CHAT: variants seen among roughly 807,000 people sequenced by gnomAD.
The protein encoded by CHAT is acetyl CoA:choline O-acetyltransferase.
A neutral mutation model predicts 76.9 loss-of-function variants in CHAT; 61 were observed. The ratio of observed to expected loss-of-function variants is 0.79; its 90% CI spans 0.65 to 0.98. CHAT has a LOEUF of 0.98. CHAT is among the 50% of genes least tolerant of loss of function. The probability of loss-of-function intolerance (pLI) is 0.00; values close to 1 mark genes in which losing one functional copy is unlikely to be tolerated. For synonymous variants in CHAT, 407 were observed against 397.4 expected (o/e 1.02, Z -0.29); for missense variants, 946 against 986.9 (o/e 0.96, Z 0.56).
At chr10:49,650,416 C>G (rs1839838380) in intron 10 of CHAT, among the ~76,000 whole-genome samples, 1 of 152,130 alleles carries the variant, frequency 6.6e-6, no homozygotes, top group Non-Finnish European at 1.5e-5. Flanking sequence ...AATATAGAAG[C>G]TGAACTCTGT....
chr10:49,666,541 G>T lies in CHAT; in HGVS notation c.*1495G>T, dbSNP rs1393482935. ...CTGCTCTAGCCCAGCAATCCTGTAG[G>T]TCTCCCTTCTTTGTGCCACTGTGAA... On this transcript the variant is annotated 3_prime_UTR_variant, in exon 15 of 15. Coordinates refer to ENST00000337653, the MANE Select transcript of CHAT (RefSeq NM_020549.5). 6.6e-6 allele frequency among the ~76,000 whole-genome samples: 1 copy of T among 152,160 alleles called. No homozygotes were observed. The highest frequency in any genetic ancestry group is 2.4e-5 in the African/African-American group (1 of 41,434).
chr10:49,637,048 T>C (rs1269067925), intron 7 of CHAT, among the ~76,000 whole-genome samples: 1 of 152,088 alleles, frequency 6.6e-6, no homozygotes, highest in Non-Finnish European at 1.5e-5. Context: ...CTCTTTTTTT[T>C]TTTGTCAGTC....
intron 9 of CHAT, 123 bp from the exon 10 acceptor site, chr10:49,649,385 G>A (rs775179287): frequency 2.4e-5 from 34 of 1,413,854 alleles, no homozygotes; most frequent in Admixed American, 5.1e-5. Flanking sequence ...GGGGCAGCTC[G>A]TACCCCCTGA....
rs913166313 is a variant in CHAT, at chr10:49,665,132, T to G, written c.*86T>G. The stretch of plus-strand genomic sequence containing the variant: ...CCCCACTCCCGTCCCTTACCCCAGC[T>G]TTCCACAGCTCCCTGTCCTCAGGGT... On this transcript the variant is annotated 3_prime_UTR_variant, in exon 15 of 15. Coordinates refer to ENST00000337653, the MANE Select transcript of CHAT (RefSeq NM_020549.5). 1 of 1,431,442 alleles carries G rather than the reference T, an allele frequency of 7.0e-7. No individual in the cohort carries two copies. The highest frequency in any genetic ancestry group is 9.8e-7 in the Non-Finnish European group (1 of 1,020,882). The allele number at this position is 1,431,442 out of a possible 1,614,324, so 88.7% of individuals were successfully genotyped here. A position where few individuals can be genotyped will look rare whatever the true frequency, so the allele number is the denominator to read the frequency against.
chr10:49,625,719 T>A (rs1838897366), intron 6 of CHAT, 66 bp downstream of exon 6: 1 of 1,478,684 alleles, frequency 6.8e-7, no homozygotes, highest in African/African-American at 1.4e-5. Context: ...TTCACGTCCA[T>A]TACCTTCTCC....
Position 49,614,179 on chromosome 10 carries a change from CT to C in CHAT, c.-10del. ...GGAGCTGAGATCCCTGGGCGGGGAG[CT>C]GGGGAAGGGATGGGGCTGAGGACAG... is the stretch of plus-strand genomic sequence containing the variant. On this transcript the variant is annotated 5_prime_UTR_variant, in exon 1 of 15. Transcript: ENST00000337653. 7.2e-7 allele frequency: 1 copy of C among 1,383,542 alleles called. No homozygotes were observed. Among genetic ancestry groups the C allele is most frequent in the Non-Finnish European group, 9.3e-7 (1 of 1,074,226 alleles). The allele number at this position is 1,383,542 out of a possible 1,614,324, so 85.7% of individuals were successfully genotyped here.
At chr10:49,643,061 T>C (rs1163680161) in intron 7 of CHAT, among the ~76,000 whole-genome samples, 1 of 152,220 alleles carries the variant, frequency 6.6e-6, no homozygotes, top group East Asian at 1.9e-4. Context: ...ATTATTATCA[T>C]CCGTGTTTAC....
intron 6 of CHAT, among the ~76,000 whole-genome samples, chr10:49,626,610 C>T (rs1461576919): frequency 1.3e-5 from 2 of 152,176 alleles, no homozygotes; most frequent in East Asian, 3.9e-4. Context: ...GGACGTTTCC[C>T]CATCTTCATT....
intron 7 of CHAT, among the ~76,000 whole-genome samples, chr10:49,628,010 A>T (rs531657457): frequency 1.3e-5 from 2 of 151,802 alleles, no homozygotes; most frequent in African/African-American, 4.8e-5. Flanking sequence ...GGGACTAACT[A>T]GTGCTGGAAT....
In CHAT at chr10:49,659,162, G is replaced by A. The variant is rs548203440; in HGVS notation, c.1840-3483G>A. Among the ~76,000 whole-genome samples the A allele has an allele frequency of 7.2e-4, 110 of 152,282 alleles. 3 individuals are homozygous for A. The South Asian group carries it at 0.022, about 31-fold the overall frequency. ...TAATTTCTGAACAGCATCATTGGAA[G>A]GTGGAAGATAAAAAGAGTAGTGTCT... is the stretch of plus-strand genomic sequence containing the variant. On this transcript the variant is annotated intron_variant, in intron 13 of 14. Transcript: ENST00000337653.
upstream of CHAT, chr10:49,610,920 C>T: frequency 6.2e-7 from 1 of 1,611,548 alleles, no homozygotes. Flanking sequence ...TGCCCGACTA[C>T]ATCGCCCACA....
chr10:49,625,383 T>C lies in CHAT; in HGVS notation c.753-90T>C. On this transcript the variant is annotated intron_variant, in intron 5 of 14. Coordinates refer to ENST00000337653, the MANE Select transcript of CHAT (RefSeq NM_020549.5). The stretch of plus-strand genomic sequence containing the variant: ...TCTGGGTTCTGTGCCCCATTTTGCC[T>C]GATCAAGTTACAATAAAACCCATTC... 4.0e-6 allele frequency: 5 copies of C among 1,263,090 alleles called. No individual in the cohort carries two copies. In the South Asian group the frequency reaches 6.3e-5, roughly 16 times the overall value. The allele number at this position is 1,263,090 out of a possible 1,614,324, so 78.2% of individuals were successfully genotyped here. A position where few individuals can be genotyped will look rare whatever the true frequency, so the allele number is the denominator to read the frequency against.
upstream of CHAT, among the ~76,000 whole-genome samples, chr10:49,609,953 C>T (rs577361088): frequency 2.6e-5 from 4 of 152,042 alleles, no homozygotes; most frequent in Admixed American, 2.6e-4. Flanking sequence ...CTCGAGGAAC[C>T]GGCTGCCGCG....
At chr10:49,633,347 C>T (rs2132753985) in intron 7 of CHAT, among the ~76,000 whole-genome samples, 1 of 152,356 alleles carries the variant, frequency 6.6e-6, no homozygotes, top group Non-Finnish European at 1.5e-5. Context: ...AGGTCCCCCT[C>T]TGGCTTGCTC....
intron 7 of CHAT, among the ~76,000 whole-genome samples, chr10:49,636,072 G>A (rs1005437966): frequency 6.6e-6 from 1 of 152,128 alleles, no homozygotes; most frequent in Non-Finnish European, 1.5e-5. Context: ...AATTCAGCAA[G>A]GTTGCAATAT....
Position 49,646,660 on chromosome 10 carries a change from G to A in CHAT, c.1267G>A (p.Asp423Asn), listed in dbSNP as rs759707536. 7.4e-6 allele frequency: 12 copies of A among 1,613,672 alleles called. No individual in the cohort carries two copies. Among genetic ancestry groups the A allele is most frequent in the Middle Eastern group, 1.7e-4 (1 of 5,770 alleles). Reference protein sequence around the residue: ...YSKNGANRWYDKSLQFVVGRD... With the variant: ...YSKNGANRWYNKSLQFVVGRD... ...CAAGAACGGGGCCAATCGCTGGTAC[G>A]ACAAGTCCCTGCAGGTAAGCCGTCC... Residue 423 changes from aspartate to asparagine, a missense_variant, in exon 8 of 15, where the codon GAC becomes AAC. Physicochemically the swap from Asp to Asn is conservative, Grantham distance 23. Coordinates refer to ENST00000337653, the MANE Select transcript of CHAT (RefSeq NM_020549.5).
chr10:49,614,032 C>T (rs1367111313), upstream of CHAT: 20 of 1,333,586 alleles, frequency 1.5e-5, no homozygotes, highest in Non-Finnish European at 2.1e-5. Flanking sequence ...AGTGCGGTGA[C>T]TGGGAAATGC....
chr10:49,662,643 A>G lies in CHAT; in HGVS notation c.1840-2A>G. ...TCCTGTTCTTTGTCCCCAACTACAC[A>G]GGCCATAACAGGGATGGCCATTGAC... is the stretch of plus-strand genomic sequence containing the variant. On this transcript the variant is annotated splice_acceptor_variant, in intron 13 of 14. Coordinates refer to ENST00000337653, the MANE Select transcript of CHAT (RefSeq NM_020549.5). LOFTEE classifies it high-confidence loss of function. 3.7e-6 allele frequency: 6 copies of G among 1,614,106 alleles called. No homozygotes were observed. Among genetic ancestry groups the G allele is most frequent in the Non-Finnish European group, 5.1e-6 (6 of 1,180,006 alleles).
At chr10:49,662,835 A>G (rs1840238923) in intron 14 of CHAT, 53 bp downstream of exon 14, 2 of 1,612,166 alleles carry the variant, frequency 1.2e-6, no homozygotes, top group East Asian at 2.2e-5. Flanking sequence ...TAAGCTTTCT[A>G]AAGAGCAGTG....
Sources: allele counts gnomAD v4.1 joint callset (sites outside exome capture counted in the v4.1 genomes callset), GRCh38; gene constraint gnomAD v4.1.1; transcripts MANE v1.5; gene names NCBI Gene and HGNC (gene_info 2026-07-23, HGNC 2026-07-21).